Variants in SLC6A12 observed in about 807,000 individuals in gnomAD.
The protein encoded by SLC6A12 is solute carrier family 6 member 12.
SLC6A12 carries 50 observed loss-of-function variants against 73.3 expected under a neutral mutation model. The observed-to-expected ratio is 0.68, with a 90% confidence interval of 0.54 to 0.86. The LOEUF is 0.86. Ranked by LOEUF, SLC6A12 falls within the 40% of genes least tolerant of loss-of-function variation. The probability of loss-of-function intolerance (pLI) is 0.00; values close to 1 mark genes in which losing one functional copy is unlikely to be tolerated. For missense variants in SLC6A12, 648 were observed against 772.8 expected (o/e 0.84, Z 1.92); for synonymous variants, 304 against 309.2 (o/e 0.98, Z 0.18).
chr12:209,761 A>C lies in SLC6A12; in HGVS notation c.214+12T>G. The C allele has an allele frequency of 1.9e-6, 3 of 1,614,144 alleles. No homozygotes were observed. The South Asian group carries it at 3.3e-5, about 18-fold the overall frequency. ...AGCTCTCCCCACCATGCCTACCTCAAAGTGAACTCACCACCTCCGTTTTTG... is the reference window on the plus strand; with the variant it reads ...AGCTCTCCCCACCATGCCTACCTCACAGTGAACTCACCACCTCCGTTTTTG... On this transcript the variant is annotated intron_variant, in intron 3 of 15. Transcript: ENST00000684302.
rs557963581 is a variant in SLC6A12 at position 200,654 on chromosome 12, G to C, written c.708C>G (p.Gly236=). 2.5e-6 allele frequency: 4 copies of C among 1,613,984 alleles called. No homozygotes were observed. Among genetic ancestry groups the C allele is most frequent in the South Asian group, 1.1e-5 (1 of 91,054 alleles). The change falls in exon 7 of 16, where the codon GGC becomes GGG. Residue 236 remains glycine (G), a synonymous_variant. Coordinates refer to ENST00000684302, the MANE Select transcript of SLC6A12 (RefSeq NM_001122848.3). ...FCIWKGVKST[G]KVVYFTATFP... ...CCCAGGAGGCAGGACATCTCACCTT[G>C]CCTGTGGACTTGACCCCCTTCCAGA...
chr12:186,850 G>A (rs143408521), downstream of SLC6A12, among the ~76,000 whole-genome samples: 442 of 152,296 alleles, frequency 2.9e-3, 4 homozygotes, highest in African/African-American at 0.01. Context: ...ATCATAGGGT[G>A]TGAGGTCCAC....
At chr12:184,628 T>C in the SLC6A12 span, among the ~76,000 whole-genome samples, 1 of 152,120 alleles carries the variant, frequency 6.6e-6, no homozygotes, top group Non-Finnish European at 1.5e-5. Context: ...CGGGCGCCTG[T>C]AGTCCCAGCT....
At chr12:209,667 C>T in intron 3 of SLC6A12, 106 bp downstream of exon 3, 1 of 1,220,988 alleles carries the variant, frequency 8.2e-7, no homozygotes, top group Non-Finnish European at 1.2e-6. Context: ...TCCAAAATAG[C>T]CCTCCTTTTA....
chr12:206,210 C>A, intron 3 of SLC6A12, among the ~76,000 whole-genome samples: 1 of 152,354 alleles, frequency 6.6e-6, no homozygotes, highest in Non-Finnish European at 1.5e-5. Context: ...GACCGAAACT[C>A]TGTACACGTT....
rs573230682 is a variant in SLC6A12, at chr12:208,724, A to G, written c.214+1049T>C. On this transcript the variant is annotated intron_variant, in intron 3 of 15. Transcript: ENST00000684302. ...GGGAATGAGGAGCGACTGCGAATGA[A>G]TATAGGATTTCTTTCGGGGATGATG... 6.2e-4 allele frequency among the ~76,000 whole-genome samples: 95 copies of G among 152,250 alleles called. 1 individual carries two copies. The highest frequency in any genetic ancestry group is 3.3e-4 in the Admixed American group (5 of 15,290).
Position 198,912 on chromosome 12 carries a change from G to A in SLC6A12, c.731C>T (p.Thr244Met), listed in dbSNP as rs1208214348. 13 of 1,614,066 alleles carry A rather than the reference G, an allele frequency of 8.1e-6. No homozygotes were observed. The highest frequency in any genetic ancestry group is 3.3e-5 in the Admixed American group (2 of 60,016). ...STGKVVYFTA[T>M]FPYLMLVILL... ...AATGACAAGCATCAGGTACGGAAACGTGGCTGTGAAATAAACCACCTGGAG... is the reference window on the plus strand; with the variant it reads ...AATGACAAGCATCAGGTACGGAAACATGGCTGTGAAATAAACCACCTGGAG... Residue 244 changes from threonine (T) to methionine (M), a missense_variant, in exon 8 of 16, where the codon ACG (threonine) becomes ATG (methionine). Physicochemically the swap from Thr to Met is moderately conservative, Grantham distance 81. Transcript: ENST00000684302. The surrounding 1 kb of genome is among the most constrained non-coding windows in gnomAD (Gnocchi z 4.0).
intron 2 of SLC6A12, chr12:210,537 G>A: frequency 3.4e-6 from 1 of 297,896 alleles, no homozygotes; most frequent in Non-Finnish European, 5.0e-6. Flanking sequence ...GATCAGCTCA[G>A]AGTAAACAGG....
chr12:200,643 C>T lies in SLC6A12; in HGVS notation c.711+8G>A, dbSNP rs374683062. On this transcript the variant is annotated splice_region_variant and intron_variant, in intron 7 of 15. Transcript: ENST00000684302. ...AAAGGGAGCTTCCCAGGAGGCAGGA[C>T]ATCTCACCTTGCCTGTGGACTTGAC... 4.3e-6 allele frequency: 7 copies of T among 1,613,332 alleles called. No homozygotes were observed. In the African/African-American group the frequency reaches 8.0e-5, roughly 18 times the overall value.
chr12:210,430 A>C (rs1940856087), intron 2 of SLC6A12: 1 of 1,061,028 alleles, frequency 9.4e-7, no homozygotes, highest in African/African-American at 1.7e-5. Flanking sequence ...CCAGGTCAGA[A>C]GGGATCAAAG....
At position 201,657 on chromosome 12, in the gene SLC6A12, G is replaced by C. The variant is rs571087528; in HGVS notation, c.578+105C>G. On this transcript the variant is annotated intron_variant, in intron 6 of 15. Coordinates refer to ENST00000684302, the MANE Select transcript of SLC6A12 (RefSeq NM_001122848.3). ...GAGTGGGGCGGGGGAGGAAGTGCTGGAAAGCACACACAGAATCTTAAACTT... is the reference window on the plus strand; with the variant it reads ...GAGTGGGGCGGGGGAGGAAGTGCTGCAAAGCACACACAGAATCTTAAACTT... 1.7e-5 allele frequency: 15 copies of C among 898,266 alleles called. No individual in the cohort carries two copies. The South Asian group carries it at 2.1e-4, about 13-fold the overall frequency. 55.6% of individuals were successfully genotyped at this position (898,266 alleles called of 1,614,324 possible). A position where few individuals can be genotyped will look rare whatever the true frequency, so the allele number is the denominator to read the frequency against.
At chr12:184,909 G>A in the SLC6A12 span, among the ~76,000 whole-genome samples, 1 of 148,302 alleles carries the variant, frequency 6.7e-6, no homozygotes, top group Non-Finnish European at 1.5e-5. Context: ...CTCCAGCCTG[G>A]GGGACAGAAT....
intron 13 of SLC6A12, among the ~76,000 whole-genome samples, chr12:193,649 C>T (rs1939727424): frequency 6.6e-6 from 1 of 152,220 alleles, no homozygotes; most frequent in African/African-American, 2.4e-5. Context: ...GATGGAGACC[C>T]CACTGGTCTA....
intron 2 of SLC6A12, chr12:210,280 G>A: frequency 1.7e-6 from 2 of 1,180,432 alleles, no homozygotes; most frequent in Non-Finnish European, 2.2e-6. Flanking sequence ...CCACTCAGGA[G>A]TGGAACCGTG....
rs989340452 is a variant in SLC6A12 at position 198,719 on chromosome 12, C to G, written c.846+78G>C. 89 of 1,294,734 alleles carry G rather than the reference C, an allele frequency of 6.9e-5. No individual in the cohort carries two copies. The highest frequency in any genetic ancestry group is 9.1e-5 in the Non-Finnish European group (84 of 927,214). 80.2% of individuals were successfully genotyped at this position (1,294,734 alleles called of 1,614,324 possible). A position where few individuals can be genotyped will look rare whatever the true frequency, so the allele number is the denominator to read the frequency against. ...TATTGCTTTTAAACCAAGGAAAAAG[C>G]TATACAAGACTTTCAAAACTACAGA... is the stretch of plus-strand genomic sequence containing the variant. On this transcript the variant is annotated intron_variant, in intron 8 of 15. Coordinates refer to ENST00000684302, the MANE Select transcript of SLC6A12 (RefSeq NM_001122848.3). This position sits in a 1 kb window ranked among gnomAD's most constrained non-coding sequence, Gnocchi z 4.0.
At position 200,708 on chromosome 12, in the gene SLC6A12, C is replaced by T; in HGVS notation, c.654G>A (p.Leu218=). The T allele has an allele frequency of 6.2e-7, 1 of 1,614,146 alleles. No individual in the cohort carries two copies. The highest frequency in any genetic ancestry group is 8.5e-7 in the Non-Finnish European group (1 of 1,180,018). Residue 218 remains leucine (L), a synonymous_variant, in exon 7 of 16, where the codon CTG becomes CTA. Coordinates refer to ENST00000684302, the MANE Select transcript of SLC6A12 (RefSeq NM_001122848.3). ...SLRWELALCL[L]LAWVICYFCI... is the part of the protein sequence containing the mutation. ...AGAAATAGCAGATGACCCAGGCGAG[C>T]AGGAGGCACAGGGCCAGCTCCCAGC...
Position 197,283 on chromosome 12 carries a change from G to T in SLC6A12, c.1075+94C>A, listed in dbSNP as rs1438463591. The stretch of plus-strand genomic sequence containing the variant: ...CTACTACCCATAAATAAATCATATT[G>T]CCCATCTTCTGGGACTCATGCCTTT... On this transcript the variant is annotated intron_variant, in intron 10 of 15. Coordinates refer to ENST00000684302, the MANE Select transcript of SLC6A12 (RefSeq NM_001122848.3). 9 of 1,375,572 alleles carry T rather than the reference G, an allele frequency of 6.5e-6. No individual in the cohort carries two copies. In the Admixed American group the frequency reaches 7.6e-5, roughly 12 times the overall value. 85.2% of individuals were successfully genotyped at this position (1,375,572 alleles called of 1,614,324 possible).
chr12:208,484 A>G (rs1425531784), intron 3 of SLC6A12, among the ~76,000 whole-genome samples: 1 of 152,230 alleles, frequency 6.6e-6, no homozygotes, highest in East Asian at 1.9e-4. Flanking sequence ...AAATGTGAGT[A>G]TTCCTTTCTA....
At chr12:187,861 G>C (rs140141880), downstream of SLC6A12, among the ~76,000 whole-genome samples, 1,273 of 152,224 alleles carry the variant, frequency 8.4e-3, 13 homozygotes, top group African/African-American at 0.029. Flanking sequence ...GGTTCTCCAA[G>C]TCCCCACCAG....
Sources: allele counts gnomAD v4.1 joint callset (sites outside exome capture counted in the v4.1 genomes callset), GRCh38; gene constraint gnomAD v4.1.1; non-coding constraint Gnocchi (gnomAD v3.1); transcripts MANE v1.5; gene names NCBI Gene and HGNC (gene_info 2026-07-23, HGNC 2026-07-21).